Variants in TANC1 observed in about 807,000 individuals in gnomAD.
TANC1 encodes the protein protein TANC1.
In TANC1, 77 loss-of-function variants were observed where a neutral mutation model predicts 149.7. The ratio of observed to expected loss-of-function variants is 0.51; its 90% CI spans 0.43 to 0.62. The LOEUF (loss-of-function observed/expected upper bound fraction) is 0.62. TANC1 is among the 20% of genes least tolerant of loss of function. The pLI, the probability that TANC1 is intolerant of heterozygous loss-of-function variation, is 0.00. For synonymous variants in TANC1, 854 were observed against 925.0 expected, an observed-to-expected ratio of 0.92 and a Z score of 1.39; for missense variants, 1,985 against 2,321.8, an observed-to-expected ratio of 0.85 and a Z score of 2.98.
Position 159,214,141 on chromosome 2 carries a change from A to AGG in TANC1, c.3245-3352_3245-3351dup, listed in dbSNP as rs145466185. Reference sequence around the variant, plus strand: ...TCCTGTCTCAAAAAAAAAAAAAAAAAGGGGGAATTTAGTAACAGCAAATGT... The same window carrying AGG: ...TCCTGTCTCAAAAAAAAAAAAAAAAAGGGGGGGAATTTAGTAACAGCAAATGT... On this transcript the variant is annotated intron_variant, in intron 19 of 26. Coordinates refer to ENST00000263635, the MANE Select transcript of TANC1 (RefSeq NM_033394.3). 6.6e-3 allele frequency among the ~76,000 whole-genome samples: 738 copies of AGG among 112,522 alleles called. 8 individuals are homozygous for AGG. Among genetic ancestry groups the AGG allele is most frequent in the Middle Eastern group, 9.1e-3 (2 of 220 alleles). 73.8% of individuals were successfully genotyped at this position (112,522 alleles called of 152,430 possible).
chr2:159,040,604 C>G (rs1332045906), intron 2 of TANC1, among the ~76,000 whole-genome samples: 2 of 152,210 alleles, frequency 1.3e-5, no homozygotes, highest in African/African-American at 4.8e-5. Context: ...TGATTTTCAG[C>G]TCCATCAGGT....
In TANC1 at chr2:159,186,877, C is replaced by T. The variant is rs759207587; in HGVS notation, c.2620-25C>T. 3.1e-6 allele frequency: 5 copies of T among 1,613,948 alleles called. No individual in the cohort carries two copies. In the Admixed American group the frequency reaches 8.3e-5, roughly 27 times the overall value. ...AGGCAGATCTGTCTCTGATTGTTTC[C>T]AAGATCTGTCTCGATTGTTTCCAGG... On this transcript the variant is annotated intron_variant, in intron 15 of 26. Transcript: ENST00000263635.
rs755923182 is a variant in TANC1 at position 159,229,911 on chromosome 2, A to G, written c.4485A>G (p.Leu1495=). 3.1e-6 allele frequency: 5 copies of G among 1,614,104 alleles called. No homozygotes were observed. In the South Asian group the frequency reaches 5.5e-5, roughly 18 times the overall value. ...SSYIRNLQEG[L]QSKGRPVSPQ... Reference sequence around the variant, plus strand: ...ACATCCGAAACCTTCAAGAAGGGTTACAGTCCAAAGGAAGGCCGGTATCGC... The same window carrying G: ...ACATCCGAAACCTTCAAGAAGGGTTGCAGTCCAAAGGAAGGCCGGTATCGC... The change falls in exon 27 of 27, where the codon TTA becomes TTG. Residue 1495 remains leucine, a synonymous_variant. Coordinates refer to ENST00000263635, the MANE Select transcript of TANC1 (RefSeq NM_033394.3).
intron 2 of TANC1, among the ~76,000 whole-genome samples, chr2:159,006,955 T>A (rs866759591): frequency 6.6e-6 from 1 of 152,128 alleles, no homozygotes; most frequent in African/African-American, 2.4e-5. Context: ...CACTCTGGAA[T>A]AGGGGAAAAA....
intron 2 of TANC1, among the ~76,000 whole-genome samples, chr2:159,019,967 G>C (rs182211851): frequency 3.6e-4 from 55 of 152,106 alleles, no homozygotes; most frequent in African/African-American, 1.2e-3. Context: ...TTCTTTCCAA[G>C]CGCTGCCAAG....
Position 159,227,929 on chromosome 2 carries a change from C to T in TANC1, c.4014C>T (p.Leu1338=), listed in dbSNP as rs1269649384. Reference sequence around the variant, plus strand: ...CCTTCAATGAATTAAGGGTTTCCCTCTATCTCAATTTGTCGCGATGCCGAA... The same window carrying T: ...CCTTCAATGAATTAAGGGTTTCCCTTTATCTCAATTTGTCGCGATGCCGAA... ...MRPFNELRVS[L]YLNLSRCRRK... The change falls in exon 25 of 27, where the codon CTC becomes CTT. Residue 1338 remains leucine (L), a synonymous_variant. Transcript: ENST00000263635. 8 of 1,613,474 alleles carry T rather than the reference C, an allele frequency of 5.0e-6. No homozygotes were observed. The African/African-American group carries it at 9.4e-5, about 19-fold the overall frequency.
chr2:159,090,267 A>G (rs1303824058), intron 3 of TANC1, among the ~76,000 whole-genome samples: 1 of 152,222 alleles, frequency 6.6e-6, no homozygotes, highest in African/African-American at 2.4e-5. Flanking sequence ...AGGAATGTAC[A>G]TTTGGAATGG....
rs2060115733 is a variant in TANC1, at chr2:159,227,942, T to G, written c.4027T>G (p.Ser1343Ala). The change falls in exon 25 of 27, where the codon TCG becomes GCG. Residue 1343 changes from serine (S) to alanine (A), a missense_variant. Transcript: ENST00000263635. ...ELRVSLYLNL[S>A]RCRRKTNDFG... ...AAGGGTTTCCCTCTATCTCAATTTG[T>G]CGCGATGCCGAAGAAAAACAAATGT... is the stretch of plus-strand genomic sequence containing the variant. 6.2e-7 allele frequency: 1 copy of G among 1,613,150 alleles called. No homozygotes were observed. Among genetic ancestry groups the G allele is most frequent in the East Asian group, 2.2e-5 (1 of 44,860 alleles).
chr2:158,998,243 C>T (rs2149312881), intron 1 of TANC1, among the ~76,000 whole-genome samples: 1 of 149,930 alleles, frequency 6.7e-6, no homozygotes, highest in South Asian at 2.1e-4. Flanking sequence ...GAGACCCTGT[C>T]TCAAAAAAAA....
intron 19 of TANC1, among the ~76,000 whole-genome samples, chr2:159,216,611 C>CA (rs2059365465): frequency 6.6e-6 from 1 of 152,160 alleles, no homozygotes; most frequent in South Asian, 2.1e-4. Context: ...TGGGGATGCC[C>CA]AGGCTGACGG....
chr2:158,999,057 G>A (rs2036395932), intron 1 of TANC1, among the ~76,000 whole-genome samples: 1 of 152,188 alleles, frequency 6.6e-6, no homozygotes. Context: ...CAGTTGGGGT[G>A]CATAATGATT....
chr2:159,144,079 G>A lies in TANC1; in HGVS notation c.365-5063G>A, dbSNP rs116988564. On this transcript the variant is annotated intron_variant, in intron 5 of 26. Coordinates refer to ENST00000263635, the MANE Select transcript of TANC1 (RefSeq NM_033394.3). The stretch of plus-strand genomic sequence containing the variant: ...AGCTTAAGAACCTACTGGCTCTAGA[G>A]GAAGGAAAAGAGGGAGAAAATAAAA... Among the ~76,000 whole-genome samples, 30 of 151,614 alleles carry A rather than the reference G, an allele frequency of 2.0e-4. 1 individual carries two copies. The East Asian group carries it at 5.4e-3, about 27-fold the overall frequency.
rs560503841 is a variant in TANC1 at position 158,985,507 on chromosome 2, C to G, written c.-125-15573C>G. Among the ~76,000 whole-genome samples the G allele has an allele frequency of 5.9e-5, 9 of 152,310 alleles. No individual in the cohort carries two copies. In the South Asian group the frequency reaches 1.9e-3, roughly 32 times the overall value. On this transcript the variant is annotated intron_variant, in intron 1 of 26. Coordinates refer to ENST00000263635, the MANE Select transcript of TANC1 (RefSeq NM_033394.3). ...AGCGGGTTTTGTAAGGCAGCTTGAGCAGGAGCACAGAGATTGCATAGTGCC... is the reference window on the plus strand; with the variant it reads ...AGCGGGTTTTGTAAGGCAGCTTGAGGAGGAGCACAGAGATTGCATAGTGCC...
At chr2:158,969,046 C>CAA (rs1288036866) in intron 1 of TANC1, among the ~76,000 whole-genome samples, 4 of 152,160 alleles carry the variant, frequency 2.6e-5, no homozygotes, top group Non-Finnish European at 5.9e-5. Context: ...GCGCGGTTCC[C>CAA]CCGCGCCGGA....
intron 19 of TANC1, among the ~76,000 whole-genome samples, chr2:159,207,719 A>AAC (rs1371077162): frequency 2.0e-5 from 3 of 149,502 alleles, no homozygotes; most frequent in Non-Finnish European, 4.5e-5. Context: ...AAAAAAAAAA[A>AAC]AAAAAAAACA....
intron 2 of TANC1, among the ~76,000 whole-genome samples, chr2:159,050,166 G>A (rs2041363128): frequency 6.6e-6 from 1 of 152,184 alleles, no homozygotes; most frequent in African/African-American, 2.4e-5. Flanking sequence ...CAAGTGCAAT[G>A]GCATGATTAG....
intron 19 of TANC1, among the ~76,000 whole-genome samples, chr2:159,204,087 A>G (rs553302777): frequency 6.6e-6 from 1 of 152,254 alleles, no homozygotes; most frequent in Non-Finnish European, 1.5e-5. Flanking sequence ...TTAAAATCTC[A>G]TCTTAATTTA....
intron 2 of TANC1, among the ~76,000 whole-genome samples, chr2:159,008,226 C>T (rs1199121097): frequency 1.3e-5 from 2 of 152,188 alleles, no homozygotes; most frequent in East Asian, 1.9e-4. Flanking sequence ...GCAAGCATTA[C>T]TTTGAACTGC....
intron 2 of TANC1, among the ~76,000 whole-genome samples, chr2:159,048,571 T>G (rs990755261): frequency 4.6e-5 from 7 of 152,220 alleles, no homozygotes; most frequent in Admixed American, 3.9e-4. Flanking sequence ...ATGAGCCCTC[T>G]TTTTTTATAA....
Sources: allele counts gnomAD v4.1 joint callset (sites outside exome capture counted in the v4.1 genomes callset), GRCh38; gene constraint gnomAD v4.1.1; transcripts MANE v1.5; gene names NCBI Gene and HGNC (gene_info 2026-07-23, HGNC 2026-07-21).